The following PSMC4 variants were observed in gnomAD, a reference collection of about 807,000 sequenced individuals.
PSMC4 encodes the protein 26S proteasome regulatory subunit 6B.
Under a neutral mutation model 48.4 loss-of-function variants are expected in PSMC4, and 13 were observed. The observed-to-expected ratio is 0.27, with a 90% CI of 0.18 to 0.43. The LOEUF (loss-of-function observed/expected upper bound fraction) is 0.43, where lower values mean the gene tolerates loss of function less well. Ranked by LOEUF, PSMC4 falls within the 20% of genes least tolerant of loss-of-function variation. The pLI, the probability that PSMC4 is intolerant of heterozygous loss-of-function variation, is 1.00. For missense variants in PSMC4, 262 were observed against 555.9 expected, an observed-to-expected ratio of 0.47 and a Z score of 5.32; for synonymous variants, 202 against 212.3, an observed-to-expected ratio of 0.95 and a Z score of 0.42.
At chr19:39,975,159 A>G (rs1173482123) in intron 6 of PSMC4, among the ~76,000 whole-genome samples, 2 of 152,210 alleles carry the variant, frequency 1.3e-5, no homozygotes, top group Admixed American at 1.3e-4. Context: ...GAACATCCAC[A>G]TGGTATTTAT....
At chr19:39,971,499 C>T (rs1035082030) in intron 1 of PSMC4, among the ~76,000 whole-genome samples, 2 of 151,986 alleles carry the variant, frequency 1.3e-5, no homozygotes, top group African/African-American at 2.4e-5. Flanking sequence ...GAACCCTGGC[C>T]GGTAGTGCTT....
Position 39,981,491 on chromosome 19 carries a change from A to C in PSMC4, c.*186A>C, listed in dbSNP as rs918071519. 2.8e-4 allele frequency: 153 copies of C among 543,584 alleles called. 1 individual carries two copies. The highest frequency in any genetic ancestry group is 6.2e-5 in the Admixed American group (2 of 32,396). The allele number at this position is 543,584 out of a possible 1,614,324, so 33.7% of individuals were successfully genotyped here. On this transcript the variant is annotated 3_prime_UTR_variant, in exon 11 of 11. Coordinates refer to ENST00000157812, the MANE Select transcript of PSMC4 (RefSeq NM_006503.4). ...CTCCTTTGGAGAATGTGGGCCTTGA[A>C]TAGGATCCTCTGGGTCCCTCTTAAT...
At chr19:39,976,951 G>A (rs1971212101) in intron 6 of PSMC4, among the ~76,000 whole-genome samples, 1 of 150,304 alleles carries the variant, frequency 6.7e-6, no homozygotes, top group South Asian at 2.1e-4. Flanking sequence ...CTGGGTTCAA[G>A]CGATTCTCCT....
intron 3 of PSMC4, among the ~76,000 whole-genome samples, chr19:39,972,759 T>C (rs962834048): frequency 3.3e-5 from 5 of 152,112 alleles, no homozygotes; most frequent in African/African-American, 9.7e-5. Context: ...TGTTTGTTTT[T>C]TGTTTTGAGA....
chr19:39,972,545 C>T lies in PSMC4; in HGVS notation c.312C>T (p.Gly104=), dbSNP rs151282645. 5.3e-4 allele frequency: 849 copies of T among 1,612,422 alleles called. 8 individuals are homozygous for T. In the Middle Eastern group the frequency reaches 8.6e-3, roughly 16 times the overall value. The part of the protein sequence containing the change: ...EAVDQNTAIV[G]STTGSNYYVR... ...TGGATCAGAATACAGCCATCGTGGG[C>T]TCTACCACAGGTGTGCTAAGGACAC... Residue 104 remains glycine, a synonymous_variant, in exon 3 of 11, where the codon GGC becomes GGT. Coordinates refer to ENST00000157812, the MANE Select transcript of PSMC4 (RefSeq NM_006503.4).
intron 6 of PSMC4, among the ~76,000 whole-genome samples, chr19:39,978,555 A>C (rs1481276231): frequency 6.6e-6 from 1 of 152,172 alleles, no homozygotes; most frequent in Non-Finnish European, 1.5e-5. Flanking sequence ...GGGAGTGAAC[A>C]GGGCAGGGCT....
Position 39,981,506 on chromosome 19 carries a change from T to G in PSMC4, c.*201T>G. 1 of 506,816 alleles carries G rather than the reference T, an allele frequency of 2.0e-6. No individual in the cohort carries two copies. Among genetic ancestry groups the G allele is most frequent in the Non-Finnish European group, 3.6e-6 (1 of 280,196 alleles). The allele number at this position is 506,816 out of a possible 1,614,324, so 31.4% of individuals were successfully genotyped here. On this transcript the variant is annotated 3_prime_UTR_variant, in exon 11 of 11. Coordinates refer to ENST00000157812, the MANE Select transcript of PSMC4 (RefSeq NM_006503.4). ...TGGGCCTTGAATAGGATCCTCTGGGTCCCTCTTAATCTGACAGATGAGCAG... is the reference window on the plus strand; with the variant it reads ...TGGGCCTTGAATAGGATCCTCTGGGGCCCTCTTAATCTGACAGATGAGCAG...
At chr19:39,975,163 T>C (rs184757714) in intron 6 of PSMC4, among the ~76,000 whole-genome samples, 1 of 152,328 alleles carries the variant, frequency 6.6e-6, no homozygotes, top group African/African-American at 2.4e-5. Context: ...ATCCACATGG[T>C]ATTTATACCA....
intron 6 of PSMC4, among the ~76,000 whole-genome samples, chr19:39,977,137 G>A (rs943791707): frequency 3.9e-5 from 6 of 151,942 alleles, no homozygotes; most frequent in African/African-American, 1.5e-4. Context: ...ACAGGCGTGA[G>A]CCACTGCACC....
In PSMC4 at chr19:39,981,648, G is replaced by C. The variant is rs574837762; in HGVS notation, c.*343G>C. ...CCTGAGATGGAGTCCTTAATCACGG[G>C]ATAAAGCCCTGTGCATCTCCCTCAT... On this transcript the variant is annotated 3_prime_UTR_variant, in exon 11 of 11. Transcript: ENST00000157812. Among the ~76,000 whole-genome samples the C allele has an allele frequency of 6.6e-6, 1 of 152,152 alleles. No individual in the cohort carries two copies. The highest frequency in any genetic ancestry group is 2.4e-5 in the African/African-American group (1 of 41,516).
Position 39,980,550 on chromosome 19 carries a change from G to C in PSMC4, c.1087+96G>C. On this transcript the variant is annotated intron_variant, in intron 9 of 10. Coordinates refer to ENST00000157812, the MANE Select transcript of PSMC4 (RefSeq NM_006503.4). The surrounding 1 kb of genome is among the most constrained non-coding windows in gnomAD (Gnocchi z 4.8). ...CCAGCACCACAGCCCAGACTGTGCA[G>C]GTGGGACCAAGGTCCAGGGAGGAGG... 1.9e-6 allele frequency: 3 copies of C among 1,588,394 alleles called. No individual in the cohort carries two copies. Among genetic ancestry groups the C allele is most frequent in the Non-Finnish European group, 2.6e-6 (3 of 1,157,878 alleles).
Position 39,972,140 on chromosome 19 carries a change from G to C in PSMC4, c.37-6G>C. The C allele has an allele frequency of 6.2e-7, 1 of 1,612,416 alleles. No individual in the cohort carries two copies. Among genetic ancestry groups the C allele is most frequent in the Non-Finnish European group, 8.5e-7 (1 of 1,178,582 alleles). ...CTTCCAATGTGAGTTATCCCCTTTC[G>C]TCTAGGATGAGATCCCAGCACTGTC... On this transcript the variant is annotated splice_region_variant and splice_polypyrimidine_tract_variant and intron_variant, in intron 1 of 10. Transcript: ENST00000157812.
At position 39,981,234 on chromosome 19, in the gene PSMC4, G is replaced by C; in HGVS notation, c.1186G>C (p.Ala396Pro). 6.2e-7 allele frequency: 1 copy of C among 1,614,002 alleles called. No individual in the cohort carries two copies. The highest frequency in any genetic ancestry group is 8.5e-7 in the Non-Finnish European group (1 of 1,179,998). ...CCGTGAAAACCGCTACATTGTCCTG[G>C]CCAAGGACTTCGAGAAAGCATACAA... ...AVRENRYIVL[A>P]KDFEKAYKTV... The change falls in exon 11 of 11, where the codon GCC becomes CCC. Residue 396 changes from alanine to proline, a missense_variant. Coordinates refer to ENST00000157812, the MANE Select transcript of PSMC4 (RefSeq NM_006503.4).
rs771569020 is a variant in PSMC4 at position 39,980,744 on chromosome 19, A to C, written c.1143+27A>C. The C allele has an allele frequency of 1.6e-5, 26 of 1,608,692 alleles. No homozygotes were observed. The highest frequency in any genetic ancestry group is 2.1e-5 in the Non-Finnish European group (25 of 1,175,222). On this transcript the variant is annotated intron_variant, in intron 10 of 10. Transcript: ENST00000157812. The surrounding 1 kb of genome is among the most constrained non-coding windows in gnomAD (Gnocchi z 4.8). Reference sequence around the variant, plus strand: ...TAAGTGGTGGTTTCTCTCTGGATCCAGGCAGCGGGTGTGTGAGGACCCTTC... The same window carrying C: ...TAAGTGGTGGTTTCTCTCTGGATCCCGGCAGCGGGTGTGTGAGGACCCTTC...
At chr19:39,973,532 G>A (rs533534169) in intron 3 of PSMC4, among the ~76,000 whole-genome samples, 2 of 146,994 alleles carry the variant, frequency 1.4e-5, no homozygotes, top group African/African-American at 2.5e-5. Flanking sequence ...GCAGTGAGCC[G>A]AGATCGTGAC....
intron 6 of PSMC4, among the ~76,000 whole-genome samples, chr19:39,978,202 A>C (rs1175279442): frequency 1.3e-5 from 2 of 152,152 alleles, no homozygotes; most frequent in African/African-American, 2.4e-5. Flanking sequence ...GCAGGAGCCC[A>C]TTCCAGGATA....
At position 39,980,806 on chromosome 19, in the gene PSMC4, T is replaced by C. The variant is rs1971276385; in HGVS notation, c.1143+89T>C. On this transcript the variant is annotated intron_variant, in intron 10 of 10. Transcript: ENST00000157812. The surrounding 1 kb of genome is among the most constrained non-coding windows in gnomAD (Gnocchi z 4.8). ...ACTCTGCTGCAGTCCTGTCCCCTCA[T>C]GGCTGCCCTGGGTCGTGGGCGCCAT... 1.4e-5 allele frequency: 19 copies of C among 1,334,536 alleles called. No homozygotes were observed. In the South Asian group the frequency reaches 2.1e-4, roughly 15 times the overall value. The allele number at this position is 1,334,536 out of a possible 1,614,324, so 82.7% of individuals were successfully genotyped here.
chr19:39,978,031 C>G (rs1971232160), intron 6 of PSMC4, among the ~76,000 whole-genome samples: 1 of 152,172 alleles, frequency 6.6e-6, no homozygotes, highest in East Asian at 1.9e-4. Context: ...TGCTATGTTG[C>G]CCAGGCTGGT....
intron 10 of PSMC4, 108 bp from the exon 11 acceptor site, chr19:39,981,084 T>C (rs1168318443): frequency 1.2e-6 from 1 of 822,054 alleles, no homozygotes; most frequent in Non-Finnish European, 2.0e-6. Flanking sequence ...CTCGAACTCT[T>C]GGGCTCAAGT....
Sources: gnomAD v4.1 joint callset for allele counts (sites outside exome capture counted in the v4.1 genomes callset) on GRCh38, gnomAD v4.1.1 for gene constraint, Gnocchi (gnomAD v3.1) non-coding constraint, MANE v1.5 for transcripts, NCBI Gene and HGNC (gene_info 2026-07-23, HGNC 2026-07-21) for gene names.